Variants in MARCHF3 observed in about 807,000 individuals in gnomAD.
The protein encoded by MARCHF3 is membrane associated ring-CH-type finger 3, also known as E3 ubiquitin-protein ligase MARCHF3.
A neutral mutation model predicts 24.2 loss-of-function variants in MARCHF3; 13 were observed. The observed-to-expected ratio is 0.54, with a 90% CI of 0.35 to 0.85. The LOEUF (loss-of-function observed/expected upper bound fraction) is 0.85, where lower values mean the gene tolerates loss of function less well. Ranked by LOEUF, MARCHF3 falls within the 40% of genes least tolerant of loss-of-function variation. MARCHF3 has a pLI of 0.01. For synonymous variants in MARCHF3, 144 were observed against 137.3 expected (o/e 1.05, Z -0.34); for missense variants, 276 against 325.0 (o/e 0.85, Z 1.16).
intron 1 of MARCHF3, among the ~76,000 whole-genome samples, chr5:126,927,869 T>C (rs1351259773): frequency 1.3e-5 from 2 of 152,188 alleles, no homozygotes; most frequent in Non-Finnish European, 2.9e-5. Flanking sequence ...TCAGCCTGTT[T>C]GATAGAAACA....
At chr5:127,017,934 C>T (rs1401765682) in intron 1 of MARCHF3, among the ~76,000 whole-genome samples, 1 of 152,140 alleles carries the variant, frequency 6.6e-6, no homozygotes, top group Non-Finnish European at 1.5e-5. Flanking sequence ...TTATTAGAGG[C>T]CAAAACTTCT....
intron 1 of MARCHF3, among the ~76,000 whole-genome samples, chr5:126,922,517 TTTATTTATTTATTTA>T (rs1216374516): frequency 8.8e-5 from 5 of 56,548 alleles, no homozygotes; most frequent in African/African-American, 2.9e-4. Context: ...CTGTCTTTTA[TTTATTTATTTATTTA>T]TTTATTTATT....
intron 1 of MARCHF3, among the ~76,000 whole-genome samples, chr5:126,985,164 T>G (rs549513539): frequency 5.9e-5 from 9 of 152,234 alleles, no homozygotes; most frequent in Admixed American, 2.0e-4. Flanking sequence ...TAACATGCAT[T>G]TCATACTAAA....
chr5:127,018,130 G>A (rs1253261454), intron 1 of MARCHF3, among the ~76,000 whole-genome samples: 1 of 152,180 alleles, frequency 6.6e-6, no homozygotes, highest in Non-Finnish European at 1.5e-5. Flanking sequence ...CAGCACTTTG[G>A]GAGACCAAGG....
At chr5:126,922,570 G>A (rs538951164) in intron 1 of MARCHF3, among the ~76,000 whole-genome samples, 10 of 140,760 alleles carry the variant, frequency 7.1e-5, no homozygotes, top group South Asian at 4.8e-4. Context: ...TTTTTGAGTC[G>A]GAGTCTCACT....
intron 1 of MARCHF3, among the ~76,000 whole-genome samples, chr5:126,927,872 T>C (rs985949074): frequency 1.3e-5 from 2 of 152,142 alleles, no homozygotes; most frequent in Non-Finnish European, 2.9e-5. Context: ...GCCTGTTTGA[T>C]AGAAACAAAA....
intron 1 of MARCHF3, among the ~76,000 whole-genome samples, chr5:127,005,904 T>C (rs1042226150): frequency 5.3e-5 from 8 of 152,018 alleles, no homozygotes; most frequent in Non-Finnish European, 1.5e-5. Context: ...AAATAAACCA[T>C]ACTTTAAAAG....
chr5:126,974,502 T>C (rs1380394952), intron 1 of MARCHF3, among the ~76,000 whole-genome samples: 1 of 152,220 alleles, frequency 6.6e-6, no homozygotes, highest in Non-Finnish European at 1.5e-5. Flanking sequence ...GAAAAAAAAG[T>C]AACCTTTCCT....
At chr5:126,946,628 T>C (rs1750019871) in intron 1 of MARCHF3, among the ~76,000 whole-genome samples, 1 of 152,058 alleles carries the variant, frequency 6.6e-6, no homozygotes, top group Non-Finnish European at 1.5e-5. Flanking sequence ...GTCCTTTGGG[T>C]TTCCAGTAAA....
intron 3 of MARCHF3, among the ~76,000 whole-genome samples, chr5:126,911,034 C>G (rs1397292004): frequency 6.6e-6 from 1 of 152,208 alleles, no homozygotes; most frequent in Non-Finnish European, 1.5e-5. Context: ...TCTCCTGTAG[C>G]ACTCCCAGGC....
intron 1 of MARCHF3, among the ~76,000 whole-genome samples, chr5:126,968,177 C>A (rs1274064728): frequency 6.6e-6 from 1 of 152,188 alleles, no homozygotes; most frequent in African/African-American, 2.4e-5. Flanking sequence ...GACCATTTCA[C>A]ATTTTGTTTG....
intron 4 of MARCHF3, among the ~76,000 whole-genome samples, chr5:126,871,648 A>C (rs563919199): frequency 2.5e-4 from 38 of 152,214 alleles, no homozygotes; most frequent in African/African-American, 9.1e-4. Flanking sequence ...TGAGTAAATG[A>C]ATGAGTGAAT....
intron 1 of MARCHF3, among the ~76,000 whole-genome samples, chr5:126,972,196 T>C (rs1458927536): frequency 1.3e-5 from 2 of 150,934 alleles, no homozygotes; most frequent in Non-Finnish European, 1.5e-5. Flanking sequence ...ACGAGTGGGA[T>C]TTGCATTCTG....
At position 126,873,596 on chromosome 5, in the gene MARCHF3, A is replaced by C. The variant is rs919257953; in HGVS notation, c.604-2805T>G. Among the ~76,000 whole-genome samples the C allele has an allele frequency of 6.6e-4, 100 of 152,310 alleles. 1 individual carries two copies. Among genetic ancestry groups the C allele is most frequent in the African/African-American group, 2.3e-3 (97 of 41,568 alleles). ...TTAACAAGACCCCCAGGTGATCCGC[A>C]TGTGCATTCAAGCCTGAGACGCACT... On this transcript the variant is annotated intron_variant, in intron 4 of 4. Transcript: ENST00000308660.
intron 1 of MARCHF3, among the ~76,000 whole-genome samples, chr5:126,951,188 A>C (rs866435883): frequency 2.0e-5 from 3 of 152,148 alleles, no homozygotes; most frequent in Non-Finnish European, 2.9e-5. Context: ...CACTTTCTTC[A>C]CTTGGCTTCC....
intron 1 of MARCHF3, among the ~76,000 whole-genome samples, chr5:126,983,979 A>G: frequency 6.6e-6 from 1 of 152,196 alleles, no homozygotes; most frequent in East Asian, 1.9e-4. Context: ...GAAGTTATTA[A>G]GCCAGGTTGT....
intron 1 of MARCHF3, among the ~76,000 whole-genome samples, chr5:126,996,712 G>C (rs547576797): frequency 2.0e-5 from 3 of 151,858 alleles, no homozygotes; most frequent in Non-Finnish European, 4.4e-5. Flanking sequence ...TATCGTTACC[G>C]AGAAAACTGG....
At chr5:127,012,342 T>A (rs1580486682) in intron 1 of MARCHF3, among the ~76,000 whole-genome samples, 1 of 152,194 alleles carries the variant, frequency 6.6e-6, no homozygotes, top group South Asian at 2.1e-4. Flanking sequence ...TTCACTTTTT[T>A]AAAAAAGCAA....
In MARCHF3 at chr5:127,022,122, A is replaced by G. The variant is rs527409921; in HGVS notation, c.-57+8228T>C. ...GGGAGGTGGTAAGAGTAATTAGACA[A>G]ATAAGGGGGAGGTATCACTGGCAAG... On this transcript the variant is annotated intron_variant, in intron 1 of 4. Transcript: ENST00000308660. 7.9e-5 allele frequency among the ~76,000 whole-genome samples: 12 copies of G among 152,328 alleles called. No individual in the cohort carries two copies. In the South Asian group the frequency reaches 2.5e-3, roughly 32 times the overall value.
Sources: gnomAD v4.1 joint callset for allele counts (sites outside exome capture counted in the v4.1 genomes callset) on GRCh38, gnomAD v4.1.1 for gene constraint, MANE v1.5 for transcripts, NCBI Gene and HGNC (gene_info 2026-07-23, HGNC 2026-07-21) for gene names.